Variants in DSCAM observed in about 807,000 individuals in gnomAD.
The protein encoded by DSCAM is cell adhesion molecule DSCAM.
In DSCAM, 47 loss-of-function variants were observed where a neutral mutation model predicts 217.7. The observed-to-expected ratio is 0.22, with a 90% confidence interval of 0.17 to 0.28. The LOEUF is 0.28. Ranked by LOEUF, DSCAM falls within the 10% of genes least tolerant of loss-of-function variation. The probability of loss-of-function intolerance (pLI) is 1.00; values close to 1 mark genes in which losing one functional copy is unlikely to be tolerated. For synonymous variants in DSCAM, 1,056 were observed against 1,015.3 expected (o/e 1.04, Z -0.76); for missense variants, 2,080 against 2,618.3 (o/e 0.79, Z 4.49).
At chr21:40,335,231 G>A (rs145874804) in intron 8 of DSCAM, among the ~76,000 whole-genome samples, 9 of 152,086 alleles carry the variant, frequency 5.9e-5, no homozygotes, top group African/African-American at 2.2e-4. Context: ...TTTCTCTCCA[G>A]GCAATAAAAT....
chr21:40,413,619 C>T (rs1270654296), intron 3 of DSCAM, among the ~76,000 whole-genome samples: 4 of 152,164 alleles, frequency 2.6e-5, no homozygotes, highest in Non-Finnish European at 5.9e-5. Context: ...ATTATAAAGT[C>T]TGCAAGGAAA....
chr21:40,396,749 A>G (rs1015464286), intron 3 of DSCAM, among the ~76,000 whole-genome samples: 7 of 152,168 alleles, frequency 4.6e-5, no homozygotes, highest in South Asian at 2.1e-4. Flanking sequence ...TACCACAGCT[A>G]CTACAACTGA....
At position 40,585,878 on chromosome 21, in the gene DSCAM, T is replaced by A. The variant is rs1386722392; in HGVS notation, c.508+106932A>T. On this transcript the variant is annotated intron_variant, in intron 3 of 32. Transcript: ENST00000400454. ...ATTTTGTTTGTTTTTGTTTTTGAGATGGAATTTCACTCTTGTCACTCAGGC... is the reference window on the plus strand; with the variant it reads ...ATTTTGTTTGTTTTTGTTTTTGAGAAGGAATTTCACTCTTGTCACTCAGGC... Among the ~76,000 whole-genome samples, 3 of 152,164 alleles carry A rather than the reference T, an allele frequency of 2.0e-5. No individual in the cohort carries two copies. In the South Asian group the frequency reaches 6.2e-4, roughly 31 times the overall value.
chr21:40,070,355 GGGAAGGAGGGAGGGAA>G (rs2089275901), intron 27 of DSCAM, among the ~76,000 whole-genome samples: 1 of 92,658 alleles, frequency 1.1e-5, no homozygotes, highest in Admixed American at 1.4e-4. Context: ...GAGGGAGGGA[GGGAAGGAGGGAGGGAA>G]GGAGAGAAAA....
chr21:40,228,091 G>T lies in DSCAM; in HGVS notation c.2357-38853C>A, dbSNP rs567388639. 5.9e-5 allele frequency among the ~76,000 whole-genome samples: 9 copies of T among 152,228 alleles called. No homozygotes were observed. The South Asian group carries it at 1.9e-3, about 32-fold the overall frequency. ...TTGTTTTTCTCATTTTTAGGCTGAGGTTATGAGAGTTTTGAAGGGGCAAAC... is the reference window on the plus strand; with the variant it reads ...TTGTTTTTCTCATTTTTAGGCTGAGTTTATGAGAGTTTTGAAGGGGCAAAC... On this transcript the variant is annotated intron_variant, in intron 11 of 32. Coordinates refer to ENST00000400454, the MANE Select transcript of DSCAM (RefSeq NM_001389.5).
At chr21:40,513,573 C>A (rs902620696) in intron 3 of DSCAM, among the ~76,000 whole-genome samples, 1 of 152,066 alleles carries the variant, frequency 6.6e-6, no homozygotes, top group Non-Finnish European at 1.5e-5. Context: ...AGAGTGATGG[C>A]AGGAAGTGTC....
intron 1 of DSCAM, among the ~76,000 whole-genome samples, chr21:40,766,474 T>A (rs958637385): frequency 2.6e-5 from 4 of 151,934 alleles, no homozygotes; most frequent in African/African-American, 9.7e-5. Flanking sequence ...AACATTAACA[T>A]TGAGGCTTGG....
At chr21:40,501,272 C>T (rs956680404) in intron 3 of DSCAM, among the ~76,000 whole-genome samples, 2 of 152,046 alleles carry the variant, frequency 1.3e-5, no homozygotes, top group Non-Finnish European at 2.9e-5. Context: ...ACAACCTCAC[C>T]TCTTTGTATA....
intron 3 of DSCAM, among the ~76,000 whole-genome samples, chr21:40,659,846 T>G (rs2090120288): frequency 6.6e-6 from 1 of 152,212 alleles, no homozygotes. Context: ...GAAACCATAA[T>G]TAATAATATT....
chr21:40,102,794 C>A (rs953220081), intron 20 of DSCAM, among the ~76,000 whole-genome samples: 2 of 152,222 alleles, frequency 1.3e-5, no homozygotes, highest in African/African-American at 4.8e-5. Context: ...TAAGACCTTG[C>A]AGAGCCTTCT....
intron 11 of DSCAM, among the ~76,000 whole-genome samples, chr21:40,208,074 A>T (rs1427231181): frequency 6.6e-6 from 1 of 152,230 alleles, no homozygotes; most frequent in Non-Finnish European, 1.5e-5. Context: ...AATACCTATA[A>T]TACATTATCA....
intron 20 of DSCAM, among the ~76,000 whole-genome samples, chr21:40,110,210 A>G (rs2089878297): frequency 1.3e-5 from 2 of 152,160 alleles, no homozygotes; most frequent in Admixed American, 1.3e-4. Context: ...TACTCCTCTG[A>G]GACAAAATTT....
At chr21:40,597,255 C>A (rs1281479378) in intron 3 of DSCAM, among the ~76,000 whole-genome samples, 7 of 152,140 alleles carry the variant, frequency 4.6e-5, no homozygotes, top group Admixed American at 4.6e-4. Context: ...ACCCTGAGAG[C>A]AATATTCACA....
intron 9 of DSCAM, among the ~76,000 whole-genome samples, chr21:40,311,661 T>A (rs2074138788): frequency 6.6e-6 from 1 of 152,200 alleles, no homozygotes; most frequent in Non-Finnish European, 1.5e-5. Flanking sequence ...CATGGCTCTT[T>A]AGAAAAACTT....
intron 3 of DSCAM, among the ~76,000 whole-genome samples, chr21:40,518,304 A>G: frequency 8.4e-6 from 1 of 118,570 alleles, no homozygotes; most frequent in Non-Finnish European, 1.7e-5. Flanking sequence ...TGTGGCAGCC[A>G]GTCTGTCAAA....
At chr21:40,274,758 C>T (rs527725151) in intron 11 of DSCAM, among the ~76,000 whole-genome samples, 3 of 152,280 alleles carry the variant, frequency 2.0e-5, no homozygotes, top group South Asian at 2.1e-4. Context: ...TATTCCAAAA[C>T]AACCCCATTT....
At chr21:40,711,092 T>C (rs559734289) in intron 1 of DSCAM, among the ~76,000 whole-genome samples, 69 of 152,206 alleles carry the variant, frequency 4.5e-4, no homozygotes, top group Admixed American at 1.6e-3. Flanking sequence ...CTAGATTCAG[T>C]CTTTCTGATG....
intron 11 of DSCAM, among the ~76,000 whole-genome samples, chr21:40,240,056 C>G (rs1238560132): frequency 1.3e-5 from 2 of 152,216 alleles, no homozygotes; most frequent in Non-Finnish European, 2.9e-5. Flanking sequence ...CTTGTTGGAA[C>G]ACAAATTGCC....
chr21:40,345,536 C>T (rs938823093), intron 6 of DSCAM, among the ~76,000 whole-genome samples: 4 of 152,056 alleles, frequency 2.6e-5, no homozygotes, highest in African/African-American at 9.7e-5. Context: ...TTCCATTTTT[C>T]AGGTATTATG....
Sources: allele counts gnomAD v4.1 joint callset (sites outside exome capture counted in the v4.1 genomes callset), GRCh38; gene constraint gnomAD v4.1.1; transcripts MANE v1.5; gene names NCBI Gene and HGNC (gene_info 2026-07-23, HGNC 2026-07-21).